PHF24: variants seen among roughly 807,000 people sequenced by gnomAD.
PHF24 encodes PHD finger protein 24, also known as Galpha inhibitory interacting protein.
PHF24 carries 25 observed loss-of-function variants against 42.6 expected under a neutral mutation model. The ratio of observed to expected loss-of-function variants is 0.59; its 90% CI spans 0.43 to 0.82. The LOEUF is 0.82. Ranked by LOEUF, PHF24 falls within the 40% of genes least tolerant of loss-of-function variation. The pLI is 0.00. For missense variants in PHF24, 470 were observed against 538.1 expected (o/e 0.87, Z 1.25); for synonymous variants, 185 against 204.8 (o/e 0.90, Z 0.83).
the PHF24 span, among the ~76,000 whole-genome samples, chr9:34,677,214 C>G: frequency 1.3e-3 from 198 of 152,210 alleles, no homozygotes; most frequent in African/African-American, 4.6e-3. Context: ...AATCCATCAG[C>G]TCAGCCTCAT....
At chr9:34,853,447 G>A in the PHF24 span, among the ~76,000 whole-genome samples, 2 of 152,122 alleles carry the variant, frequency 1.3e-5, no homozygotes, top group African/African-American at 4.8e-5. Context: ...TCTCTGCCAG[G>A]TTTTGGTATC....
the PHF24 span, among the ~76,000 whole-genome samples, chr9:34,674,830 G>A: frequency 0.045 from 6,785 of 152,190 alleles, 236 homozygotes; most frequent in South Asian, 0.07. Context: ...TAAGGGTGTC[G>A]GCAATTATGT....
the PHF24 span, chr9:34,892,884 G>A: frequency 7.1e-6 from 5 of 700,646 alleles, no homozygotes; most frequent in Non-Finnish European, 1.3e-5. Flanking sequence ...TCCATTAATT[G>A]TGACAGTGTT....
chr9:34,836,513 T>A, the PHF24 span, among the ~76,000 whole-genome samples: 2 of 152,228 alleles, frequency 1.3e-5, no homozygotes, highest in South Asian at 4.1e-4. Flanking sequence ...TACTTATGCA[T>A]TCTGGGGGCT....
chr9:34,871,337 C>G, the PHF24 span, among the ~76,000 whole-genome samples: 84 of 152,292 alleles, frequency 5.5e-4, 1 homozygote, highest in Non-Finnish European at 1.0e-3. Context: ...CTTTGGATAG[C>G]AGTCCTTTAC....
the PHF24 span, among the ~76,000 whole-genome samples, chr9:34,766,674 G>T: frequency 1.3e-5 from 2 of 152,090 alleles, no homozygotes; most frequent in South Asian, 2.1e-4. Context: ...AGTAGTTTGA[G>T]CGTCTGAAGC....
the PHF24 span, among the ~76,000 whole-genome samples, chr9:34,770,420 A>G: frequency 6.6e-6 from 1 of 152,218 alleles, no homozygotes; most frequent in Non-Finnish European, 1.5e-5. Flanking sequence ...CATTGGTGAG[A>G]GTGCAAAATA....
At chr9:34,917,540 G>A in the PHF24 span, 9 of 775,242 alleles carry the variant, frequency 1.2e-5, no homozygotes, top group Non-Finnish European at 7.2e-6. Flanking sequence ...ACGGATAATC[G>A]ACGTGATGAG....
At chr9:34,717,112 C>A in the PHF24 span, among the ~76,000 whole-genome samples, 2 of 152,174 alleles carry the variant, frequency 1.3e-5, no homozygotes, top group Non-Finnish European at 2.9e-5. Flanking sequence ...TTTTCTATCT[C>A]AAACTTATTT....
the PHF24 span, among the ~76,000 whole-genome samples, chr9:34,890,856 C>T: frequency 2.0e-5 from 3 of 152,160 alleles, no homozygotes; most frequent in African/African-American, 7.2e-5. Flanking sequence ...TCTAGCGGTA[C>T]CATCTCCATC....
At chr9:34,878,445 G>T in the PHF24 span, among the ~76,000 whole-genome samples, 2 of 152,164 alleles carry the variant, frequency 1.3e-5, no homozygotes, top group African/African-American at 4.8e-5. Context: ...CGCAAGGGGT[G>T]GGGGAATTCC....
the PHF24 span, among the ~76,000 whole-genome samples, chr9:34,716,565 C>CTTTTGTTTTGT: frequency 1.2e-4 from 18 of 148,326 alleles, no homozygotes; most frequent in East Asian, 3.2e-3. Context: ...TTTTGTTTTG[C>CTTTTGTTTTGT]TTTGTTTTGT....
Position 34,973,973 on chromosome 9 carries a change from T to C in PHF24, c.564+1442T>C, listed in dbSNP as rs1827098229. 3.3e-5 allele frequency among the ~76,000 whole-genome samples: 5 copies of C among 152,138 alleles called. No homozygotes were observed. The South Asian group carries it at 1.0e-3, about 31-fold the overall frequency. On this transcript the variant is annotated intron_variant, in intron 3 of 7. Coordinates refer to ENST00000242315, the Ensembl canonical transcript of PHF24. ...CCTCCTTCCAAGTACCTCTCCTTTC[T>C]TTCCTTCCCTTCACAGCCAACAAAT... is the stretch of plus-strand genomic sequence containing the variant.
At chr9:34,721,892 C>T in the PHF24 span, among the ~76,000 whole-genome samples, 1 of 152,200 alleles carries the variant, frequency 6.6e-6, no homozygotes, top group Non-Finnish European at 1.5e-5. Flanking sequence ...TGTTTGGCTT[C>T]TAGTATTCCA....
At chr9:34,852,674 T>G in the PHF24 span, among the ~76,000 whole-genome samples, 1 of 152,246 alleles carries the variant, frequency 6.6e-6, no homozygotes, top group Non-Finnish European at 1.5e-5. Context: ...TGTGCTATGC[T>G]TCCTTTCTCT....
At chr9:34,928,926 A>C in the PHF24 span, among the ~76,000 whole-genome samples, 1 of 152,132 alleles carries the variant, frequency 6.6e-6, no homozygotes, top group African/African-American at 2.4e-5. Context: ...TCCTCTTGGT[A>C]CCCTGGGGCT....
chr9:34,687,593 G>C, the PHF24 span, among the ~76,000 whole-genome samples: 2 of 152,166 alleles, frequency 1.3e-5, no homozygotes, highest in Non-Finnish European at 2.9e-5. Flanking sequence ...TGGAGGTAGC[G>C]TCCAGGGGCC....
chr9:34,922,905 A>G, the PHF24 span: 1 of 1,539,228 alleles, frequency 6.5e-7, no homozygotes, highest in Non-Finnish European at 8.8e-7. Flanking sequence ...CTTCTGAACC[A>G]GCTCATTTTT....
chr9:34,941,033 G>T, the PHF24 span, among the ~76,000 whole-genome samples: 1 of 152,136 alleles, frequency 6.6e-6, no homozygotes, highest in Admixed American at 6.5e-5. Flanking sequence ...CTCCAATTTT[G>T]CAGAGCTCAG....
Sources: gnomAD v4.1 joint callset for allele counts (sites outside exome capture counted in the v4.1 genomes callset) on GRCh38, gnomAD v4.1.1 for gene constraint, MANE v1.5 for transcripts, NCBI Gene and HGNC (gene_info 2026-07-23, HGNC 2026-07-21) for gene names.